Variants in EPB41L3 observed in about 807,000 individuals in gnomAD.
EPB41L3 encodes band 4.1-like protein 3.
Under a neutral mutation model 127.1 loss-of-function variants are expected in EPB41L3, and 57 were observed. The observed-to-expected ratio is 0.45, with a 90% CI of 0.36 to 0.56. EPB41L3 has a LOEUF of 0.56. Ranked by LOEUF, EPB41L3 falls within the 20% of genes least tolerant of loss-of-function variation. The pLI is 0.00. For missense variants in EPB41L3, 1,273 were observed against 1,372.2 expected (o/e 0.93, Z 1.14); for synonymous variants, 572 against 549.5 (o/e 1.04, Z -0.57).
chr18:5,403,590 C>CAAAAAAAAAA (rs199992647), intron 16 of EPB41L3, among the ~76,000 whole-genome samples: 1 of 102,638 alleles, frequency 9.7e-6, no homozygotes. Context: ...TCACTGAGAC[C>CAAAAAAAAAA]AAAAAAAAAA....
intron 3 of EPB41L3, among the ~76,000 whole-genome samples, chr18:5,594,108 A>G (rs1202719761): frequency 6.6e-6 from 1 of 152,214 alleles, no homozygotes. Context: ...TCACAAGGGT[A>G]TTGACTGGGG....
intron 2 of EPB41L3, among the ~76,000 whole-genome samples, chr18:5,482,611 A>G (rs1389494216): frequency 6.6e-6 from 1 of 152,194 alleles, no homozygotes; most frequent in Non-Finnish European, 1.5e-5. Flanking sequence ...GCAAGAGAAA[A>G]AGAAACAAAT....
At chr18:5,520,670 CAT>C (rs1333259770) in intron 1 of EPB41L3, among the ~76,000 whole-genome samples, 2 of 150,610 alleles carry the variant, frequency 1.3e-5, no homozygotes, top group African/African-American at 2.4e-5. Flanking sequence ...AAAATTAAAA[CAT>C]GTCATAAACT....
intron 16 of EPB41L3, 88 bp downstream of exon 16, chr18:5,406,689 A>C: frequency 8.2e-7 from 1 of 1,223,554 alleles, no homozygotes. Flanking sequence ...TTTTCTACCC[A>C]GAAGACTGTC....
intron 1 of EPB41L3, among the ~76,000 whole-genome samples, chr18:5,515,202 C>T (rs1490604506): frequency 6.6e-6 from 1 of 152,218 alleles, no homozygotes; most frequent in African/African-American, 2.4e-5. Flanking sequence ...AGGGGCTTCC[C>T]AGTCTATAAT....
At chr18:5,541,146 G>C (rs536814967) in intron 1 of EPB41L3, among the ~76,000 whole-genome samples, 20 of 146,372 alleles carry the variant, frequency 1.4e-4, no homozygotes, top group African/African-American at 4.5e-4. Context: ...CCAGCTACTC[G>C]GGAGGTTGAG....
intron 3 of EPB41L3, among the ~76,000 whole-genome samples, chr18:5,474,467 ATG>A (rs1040470323): frequency 6.6e-6 from 1 of 151,796 alleles, no homozygotes; most frequent in Non-Finnish European, 1.5e-5. Context: ...GTGTGTGCAC[ATG>A]TGTGTGTGTG....
chr18:5,415,714 T>A, intron 13 of EPB41L3, 104 bp downstream of exon 13: 1 of 1,206,322 alleles, frequency 8.3e-7, no homozygotes, highest in Non-Finnish European at 1.2e-6. Context: ...AGACAATAAA[T>A]GAGGCTCTGA....
At chr18:5,395,250 G>C in intron 20 of EPB41L3, 103 bp from the exon 21 acceptor site, 2 of 993,030 alleles carry the variant, frequency 2.0e-6, no homozygotes, top group Admixed American at 1.8e-5. Flanking sequence ...TTCACTCTTC[G>C]AGAATTGAAA....
At position 5,515,591 on chromosome 18, in the gene EPB41L3, A is replaced by C. The variant is rs138073037; in HGVS notation, c.-11-26397T>G. On this transcript the variant is annotated intron_variant, in intron 1 of 22. Transcript: ENST00000341928. ...CTTCCCAGGCACCATCACCAGGATT[A>C]ACTGAAATAGCACAGCAAAAAGGAA... Among the ~76,000 whole-genome samples, 411 of 152,304 alleles carry C rather than the reference A, an allele frequency of 2.7e-3. 4 individuals carry two copies. The highest frequency in any genetic ancestry group is 9.6e-3 in the African/African-American group (397 of 41,560).
chr18:5,463,563 G>A (rs2084406673), intron 3 of EPB41L3: 1 of 152,246 alleles, frequency 6.6e-6, no homozygotes, highest in South Asian at 2.1e-4. Context: ...GTTCTATGTT[G>A]CTGTGCTACA....
intron 16 of EPB41L3, among the ~76,000 whole-genome samples, chr18:5,402,392 A>C (rs1157101398): frequency 1.3e-5 from 2 of 152,092 alleles, no homozygotes; most frequent in South Asian, 2.1e-4. Context: ...TAGGTCTCTA[A>C]TTATAATCAC....
intron 1 of EPB41L3, among the ~76,000 whole-genome samples, chr18:5,504,834 C>T (rs754843947): frequency 5.9e-5 from 9 of 152,128 alleles, no homozygotes; most frequent in South Asian, 2.1e-4. Flanking sequence ...CCTCACCACA[C>T]GAGCTTCAAC....
chr18:5,410,457 G>C, intron 14 of EPB41L3, 109 bp downstream of exon 14: 1 of 784,342 alleles, frequency 1.3e-6, no homozygotes, highest in South Asian at 1.5e-5. Context: ...GTTAAAGTTA[G>C]AACTGATCTC....
chr18:5,630,356 C>G (rs533917925), upstream of EPB41L3: 393 of 517,958 alleles, frequency 7.6e-4, 2 homozygotes, highest in Non-Finnish European at 6.9e-4. Flanking sequence ...GCCCGGCTGC[C>G]AAGAAGAGAA....
chr18:5,489,098 G>GCGCGCC lies in EPB41L3; in HGVS notation c.80_85dup (p.Gly27_Arg28dup), dbSNP rs1194421051. 1 of 1,592,318 alleles carries GCGCGCC rather than the reference G, an allele frequency of 6.3e-7. No homozygotes were observed. On this transcript the variant is annotated inframe_insertion, in exon 2 of 23. Transcript: ENST00000341928. ...GGGCGGCTCCGGCACGGGCGCCCCCGCGCGCCCCTGCGCCCCCGCCGCCTC... is the reference window on the plus strand; with the variant it reads ...GGGCGGCTCCGGCACGGGCGCCCCCGCGCGCCCGCGCCCCTGCGCCCCCGCCGCCTC...
chr18:5,485,181 A>G (rs1246561848), intron 2 of EPB41L3, among the ~76,000 whole-genome samples: 1 of 152,078 alleles, frequency 6.6e-6, no homozygotes, highest in African/African-American at 2.4e-5. Flanking sequence ...CTAGGGATGC[A>G]GATGGTTAAA....
chr18:5,536,834 AAAAC>A (rs1242984327), intron 1 of EPB41L3, among the ~76,000 whole-genome samples: 1 of 152,174 alleles, frequency 6.6e-6, no homozygotes, highest in Non-Finnish European at 1.5e-5. Flanking sequence ...CTGTTCTCAA[AAAAC>A]AAACAAACGA....
intron 3 of EPB41L3, among the ~76,000 whole-genome samples, chr18:5,574,331 A>G (rs2094315076): frequency 6.6e-6 from 1 of 150,640 alleles, no homozygotes; most frequent in African/African-American, 2.4e-5. Context: ...CTCAGCCTCT[A>G]GAGTAACTGA....
Sources: allele counts gnomAD v4.1 joint callset (sites outside exome capture counted in the v4.1 genomes callset), GRCh38; gene constraint gnomAD v4.1.1; transcripts MANE v1.5; gene names NCBI Gene and HGNC (gene_info 2026-07-23, HGNC 2026-07-21).